LCORL: variants seen among roughly 807,000 people sequenced by gnomAD.
LCORL encodes ligand-dependent nuclear receptor corepressor-like protein.
In LCORL, 41 loss-of-function variants were observed where a neutral mutation model predicts 141.8. The observed-to-expected ratio is 0.29, with a 90% CI of 0.23 to 0.38. The LOEUF is 0.38. LCORL is among the 10% of genes least tolerant of loss of function. The pLI is 1.00. For missense variants in LCORL, 1,759 were observed against 2,035.0 expected (o/e 0.86, Z 2.61); for synonymous variants, 618 against 694.1 (o/e 0.89, Z 1.72).
intron 4 of LCORL, among the ~76,000 whole-genome samples, chr4:17,946,424 A>C (rs1738887621): frequency 6.6e-6 from 1 of 152,018 alleles, no homozygotes; most frequent in African/African-American, 2.4e-5. Flanking sequence ...CACCACTTAT[A>C]CCTAAAATAT....
chr4:17,843,533 A>G, exon 8 of LCORL: 1 of 1,294,974 alleles, frequency 7.7e-7, no homozygotes, highest in Non-Finnish European at 1.1e-6. Context: ...CTTTCTGAAG[A>G]TTTTCTGCTG....
intron 1 of LCORL, 26 bp from the exon 2 acceptor site, chr4:17,972,911 T>C: frequency 9.2e-7 from 1 of 1,091,038 alleles, no homozygotes; most frequent in Non-Finnish European, 1.3e-6. Context: ...GAGAAAAGTA[T>C]ATTAACTACT....
chr4:17,979,551 A>G (rs1193906585), intron 1 of LCORL, among the ~76,000 whole-genome samples: 1 of 152,234 alleles, frequency 6.6e-6, no homozygotes, highest in Non-Finnish European at 1.5e-5. Context: ...AAATATTTTA[A>G]AATCAGTGTT....
intron 4 of LCORL, among the ~76,000 whole-genome samples, chr4:17,928,492 T>C (rs909345370): frequency 1.3e-5 from 2 of 152,202 alleles, no homozygotes; most frequent in African/African-American, 2.4e-5. Flanking sequence ...AAAAGCTACA[T>C]AATCTCCATA....
At chr4:17,932,357 G>A (rs1031637061) in intron 4 of LCORL, among the ~76,000 whole-genome samples, 1 of 152,014 alleles carries the variant, frequency 6.6e-6, no homozygotes, top group African/African-American at 2.4e-5. Flanking sequence ...AAATTTTTCA[G>A]TATTTAAGAG....
At chr4:17,876,926 A>T in exon 7 of LCORL, 1 of 1,230,748 alleles carries the variant, frequency 8.1e-7, no homozygotes, top group Non-Finnish European at 1.0e-6. Context: ...ATGATGTTTC[A>T]GCATGATTTT....
intron 7 of LCORL, among the ~76,000 whole-genome samples, chr4:17,848,544 C>G (rs1039402817): frequency 6.6e-6 from 1 of 152,176 alleles, no homozygotes; most frequent in African/African-American, 2.4e-5. Context: ...AGAGACAGGG[C>G]TGGAGCCAAG....
At chr4:17,911,760 C>A in intron 4 of LCORL, 2 of 462,160 alleles carry the variant, frequency 4.3e-6, no homozygotes, top group South Asian at 3.5e-5. Flanking sequence ...CCTGGCTGGT[C>A]AGCAGCGTGG....
intron 1 of LCORL, among the ~76,000 whole-genome samples, chr4:17,975,094 T>A (rs1022810305): frequency 6.6e-6 from 1 of 152,178 alleles, no homozygotes; most frequent in East Asian, 1.9e-4. Context: ...CCTTTCCTCT[T>A]TATATCCTTC....
At chr4:17,872,904 G>C (rs986286236) in intron 7 of LCORL, among the ~76,000 whole-genome samples, 1 of 152,018 alleles carries the variant, frequency 6.6e-6, no homozygotes, top group African/African-American at 2.4e-5. Flanking sequence ...GATTATCCTA[G>C]GATATGTTAC....
intron 1 of LCORL, among the ~76,000 whole-genome samples, chr4:17,992,741 T>C (rs918722844): frequency 1.3e-5 from 2 of 152,250 alleles, no homozygotes; most frequent in African/African-American, 4.8e-5. Context: ...AGTGCTTCTT[T>C]ACTCAGTACT....
At chr4:17,919,264 T>A (rs1404954255) in intron 4 of LCORL, among the ~76,000 whole-genome samples, 1 of 152,062 alleles carries the variant, frequency 6.6e-6, no homozygotes, top group African/African-American at 2.4e-5. Context: ...ACCAAAAATT[T>A]ACCCCAAAGA....
rs753356276 is a variant in LCORL at position 17,884,209 on chromosome 4, G to A, written c.776+1859C>T. ...ATCCTTCTAGGACTGAAGAGGTTTTGGAAACTTGATACATAACATCCAACA... is the reference window on the plus strand; with the variant it reads ...ATCCTTCTAGGACTGAAGAGGTTTTAGAAACTTGATACATAACATCCAACA... On this transcript the variant is annotated intron_variant, in intron 6 of 7. Coordinates refer to ENST00000635767, the Ensembl canonical transcript of LCORL. The surrounding 1 kb of genome is among the most constrained non-coding windows in gnomAD (Gnocchi z 4.4). 7.1e-6 allele frequency: 11 copies of A among 1,549,572 alleles called. No individual in the cohort carries two copies. Among genetic ancestry groups the A allele is most frequent in the African/African-American group, 4.1e-5 (3 of 72,800 alleles).
Position 18,021,387 on chromosome 4 carries a change from G to T in LCORL, c.154+211C>A, listed in dbSNP as rs972868720. Among the ~76,000 whole-genome samples, 1 of 152,154 alleles carries T rather than the reference G, an allele frequency of 6.6e-6. No individual in the cohort carries two copies. The highest frequency in any genetic ancestry group is 1.5e-5 in the Non-Finnish European group (1 of 68,010). On this transcript the variant is annotated intron_variant, in intron 1 of 7. Transcript: ENST00000635767. The surrounding 1 kb of genome is among the most constrained non-coding windows in gnomAD (Gnocchi z 5.5). ...ACAGTTCCCGGGGAGCCCAAGAGCT[G>T]GGAAGGCGAAGGAGCGCGGACCGCG...
intron 4 of LCORL, among the ~76,000 whole-genome samples, chr4:17,957,963 A>G (rs572918742): frequency 1.9e-4 from 29 of 152,070 alleles, no homozygotes; most frequent in African/African-American, 6.7e-4. Flanking sequence ...AAGCACTCTA[A>G]AAGATTAACA....
At chr4:17,873,471 T>C in exon 7 of LCORL, 1 of 1,233,700 alleles carries the variant, frequency 8.1e-7, no homozygotes, top group Non-Finnish European at 1.0e-6. Context: ...TTCTGTGATC[T>C]TCCATGGTGG....
At chr4:17,895,317 C>A (rs188468136) in intron 5 of LCORL, among the ~76,000 whole-genome samples, 1 of 152,204 alleles carries the variant, frequency 6.6e-6, no homozygotes, top group East Asian at 1.9e-4. Context: ...TCCCCACACC[C>A]TTTTCCAGCC....
chr4:17,842,546 T>C (rs1226243061), exon 8 of LCORL: 65 of 580,362 alleles, frequency 1.1e-4, no homozygotes, highest in Non-Finnish European at 2.5e-5. Flanking sequence ...ATCAAGAGCA[T>C]TTGACTTCTT....
chr4:17,909,165 G>C, exon 5 of LCORL: 1 of 1,613,198 alleles, frequency 6.2e-7, no homozygotes, highest in Non-Finnish European at 8.5e-7. Flanking sequence ...TTCCTGAAGG[G>C]AGTTTTCTGC....
Sources: gnomAD v4.1 joint callset for allele counts (sites outside exome capture counted in the v4.1 genomes callset) on GRCh38, gnomAD v4.1.1 for gene constraint, Gnocchi (gnomAD v3.1) non-coding constraint, MANE v1.5 for transcripts, NCBI Gene and HGNC (gene_info 2026-07-23, HGNC 2026-07-21) for gene names.